The following RAB7A variants were observed in gnomAD, a reference collection of about 807,000 sequenced individuals.
The protein encoded by RAB7A is RAB7A, member RAS oncogene family, also known as ras-related protein Rab-7a.
A neutral mutation model predicts 24.5 loss-of-function variants in RAB7A; 2 were observed. The ratio of observed to expected loss-of-function variants is 0.08; its 90% CI spans 0.03 to 0.26. The LOEUF (loss-of-function observed/expected upper bound fraction) is 0.26, where lower values mean the gene tolerates loss of function less well. Among genes scored for constraint, RAB7A ranks in the 10% least tolerant of loss-of-function variants. The pLI is 1.00. For missense variants in RAB7A, 118 were observed against 255.7 expected, an observed-to-expected ratio of 0.46 and a Z score of 3.67; for synonymous variants, 100 against 95.9, an observed-to-expected ratio of 1.04 and a Z score of -0.25.
intron 1 of RAB7A, among the ~76,000 whole-genome samples, chr3:128,746,943 T>C (rs1191926910): frequency 1.3e-5 from 2 of 151,780 alleles, no homozygotes; most frequent in Non-Finnish European, 2.9e-5. Flanking sequence ...TGTATACATA[T>C]ATCTAAACAT....
intron 1 of RAB7A, among the ~76,000 whole-genome samples, chr3:128,788,188 A>T (rs1013351791): frequency 6.6e-6 from 1 of 152,248 alleles, no homozygotes; most frequent in African/African-American, 2.4e-5. Context: ...GTGTTCAAGT[A>T]ACTCATAATT....
chr3:128,734,974 GTAAGTTACCGTTTATAGCA>G (rs1325767352), intron 1 of RAB7A, among the ~76,000 whole-genome samples: 1 of 152,312 alleles, frequency 6.6e-6, no homozygotes, highest in East Asian at 1.9e-4. Context: ...GCTTTTCAGA[GTAAGTTACCGTTTATAGCA>G]TGTAAGTTAT....
At chr3:128,753,132 G>T (rs948876069) in intron 1 of RAB7A, among the ~76,000 whole-genome samples, 1 of 152,152 alleles carries the variant, frequency 6.6e-6, no homozygotes, top group African/African-American at 2.4e-5. Flanking sequence ...TTAGTGGGTG[G>T]ATGTATTCAG....
chr3:128,810,212 C>T (rs1438310456), intron 5 of RAB7A, among the ~76,000 whole-genome samples: 1 of 151,960 alleles, frequency 6.6e-6, no homozygotes, highest in Non-Finnish European at 1.5e-5. Flanking sequence ...TCCCAAAGTG[C>T]TGGGGTTACA....
intron 1 of RAB7A, among the ~76,000 whole-genome samples, chr3:128,751,152 T>C (rs2070677163): frequency 6.6e-6 from 1 of 152,164 alleles, no homozygotes; most frequent in Non-Finnish European, 1.5e-5. Context: ...TGCTAGGGCA[T>C]TGTGGAAGGG....
rs376451535 is a variant in RAB7A, at chr3:128,796,544, A to T, written c.53+1124A>T. On this transcript the variant is annotated intron_variant, in intron 2 of 5. Coordinates refer to ENST00000265062, the MANE Select transcript of RAB7A (RefSeq NM_004637.6). ...ACTCATTGGAAGCTTATGTATTTTT[A>T]AAAATAACAACAATAGCAAATGCAG... 2.2e-4 allele frequency among the ~76,000 whole-genome samples: 33 copies of T among 152,320 alleles called. 1 individual carries two copies. The highest frequency in any genetic ancestry group is 7.2e-4 in the African/African-American group (30 of 41,578).
At chr3:128,752,025 C>T (rs2070687179) in intron 1 of RAB7A, among the ~76,000 whole-genome samples, 2 of 152,178 alleles carry the variant, frequency 1.3e-5, no homozygotes, top group African/African-American at 4.8e-5. Flanking sequence ...GTGAGGCTTC[C>T]CCAGCCATGT....
intron 1 of RAB7A, among the ~76,000 whole-genome samples, chr3:128,762,515 T>C (rs192760083): frequency 1.2e-4 from 18 of 152,092 alleles, no homozygotes; most frequent in African/African-American, 4.1e-4. Flanking sequence ...AAAATGGAAG[T>C]GATTATATGA....
At chr3:128,799,809 T>G (rs1933660643) in intron 3 of RAB7A, among the ~76,000 whole-genome samples, 1 of 152,184 alleles carries the variant, frequency 6.6e-6, no homozygotes, top group Admixed American at 6.5e-5. Context: ...TCTCAAAGGA[T>G]TTAACATAAA....
At chr3:128,780,424 A>C (rs1423000573) in intron 1 of RAB7A, among the ~76,000 whole-genome samples, 3 of 152,194 alleles carry the variant, frequency 2.0e-5, no homozygotes, top group African/African-American at 4.8e-5. Flanking sequence ...TAGCTAGTTG[A>C]ATATAGCCAC....
intron 3 of RAB7A, among the ~76,000 whole-genome samples, chr3:128,799,510 G>A (rs1423131507): frequency 6.6e-6 from 1 of 152,194 alleles, no homozygotes; most frequent in Non-Finnish European, 1.5e-5. Flanking sequence ...TGTGAATGAT[G>A]TAGGTTAAAG....
chr3:128,813,392 C>T lies in RAB7A; in HGVS notation c.594C>T (p.Ala198=), dbSNP rs1473479239. ...TCAAACTGGACAAGAATGACCGGGCCAAGGCCTCGGCAGAAAGCTGCAGTT... is the reference window on the plus strand; with the variant it reads ...TCAAACTGGACAAGAATGACCGGGCTAAGGCCTCGGCAGAAAGCTGCAGTT... The part of the protein sequence containing the change: ...EPIKLDKNDR[A]KASAESCSC Residue 198 remains alanine, a synonymous_variant, in exon 6 of 6, where the codon GCC becomes GCT. Coordinates refer to ENST00000265062, the MANE Select transcript of RAB7A (RefSeq NM_004637.6). 3 of 1,614,196 alleles carry T rather than the reference C, an allele frequency of 1.9e-6. No individual in the cohort carries two copies. Among genetic ancestry groups the T allele is most frequent in the Non-Finnish European group, 2.5e-6 (3 of 1,180,034 alleles).
At chr3:128,750,366 A>G (rs1380747566) in intron 1 of RAB7A, among the ~76,000 whole-genome samples, 1 of 152,100 alleles carries the variant, frequency 6.6e-6, no homozygotes, top group Non-Finnish European at 1.5e-5. Flanking sequence ...GGTTCAAGTG[A>G]TTGTCCTGCT....
intron 2 of RAB7A, among the ~76,000 whole-genome samples, chr3:128,796,345 G>A (rs1933574491): frequency 6.6e-6 from 1 of 151,872 alleles, no homozygotes; most frequent in African/African-American, 2.4e-5. Flanking sequence ...CCAGCTGCTG[G>A]GGAGGCCGAG....
chr3:128,799,141 G>C (rs1933640888), intron 3 of RAB7A: 1 of 153,242 alleles, frequency 6.5e-6, no homozygotes, highest in Non-Finnish European at 1.5e-5. Context: ...ACCATGACTT[G>C]GGAGCACAGC....
At chr3:128,774,201 TA>T (rs796939918) in intron 1 of RAB7A, among the ~76,000 whole-genome samples, 10,304 of 132,756 alleles carry the variant, frequency 0.078, 714 homozygotes, top group African/African-American at 0.2. Flanking sequence ...AAAAAAAAAT[TA>T]AAAAAAAAAA....
chr3:128,735,795 G>A (rs73196989), intron 1 of RAB7A, among the ~76,000 whole-genome samples: 8,119 of 152,176 alleles, frequency 0.053, 229 homozygotes, highest in Non-Finnish European at 0.058. Context: ...TCAAACTATC[G>A]AAGATAGTTC....
At chr3:128,783,351 G>A (rs73198840) in intron 1 of RAB7A, among the ~76,000 whole-genome samples, 6,302 of 151,956 alleles carry the variant, frequency 0.041, 178 homozygotes, top group Non-Finnish European at 0.058. Flanking sequence ...GTGCTCTTGC[G>A]TTTGAGGGAG....
chr3:128,765,783 C>A, intron 1 of RAB7A, among the ~76,000 whole-genome samples: 1 of 142,256 alleles, frequency 7.0e-6, no homozygotes. Context: ...TTTCCCGAGA[C>A]AGAGTTTCTC....
Sources: allele counts gnomAD v4.1 joint callset (sites outside exome capture counted in the v4.1 genomes callset), GRCh38; gene constraint gnomAD v4.1.1; transcripts MANE v1.5; gene names NCBI Gene and HGNC (gene_info 2026-07-23, HGNC 2026-07-21).